FBXW10B: variants seen among roughly 807,000 people sequenced by gnomAD.
FBXW10B encodes F-box and WD repeat domain containing protein 10B.
the FBXW10B span, among the ~76,000 whole-genome samples, chr17:15,584,960 T>C: frequency 3.0e-5 from 3 of 100,462 alleles, no homozygotes; most frequent in South Asian, 1.1e-3. Context: ...GTAAACAACC[T>C]TCTTCTTCTT....
chr17:15,595,944 T>A, the FBXW10B span, among the ~76,000 whole-genome samples: 1 of 149,022 alleles, frequency 6.7e-6, no homozygotes, highest in Non-Finnish European at 1.5e-5. Flanking sequence ...AGACGCATGA[T>A]CTCAGCTCAC....
At chr17:15,600,109 G>A in the FBXW10B span, among the ~76,000 whole-genome samples, 9 of 151,764 alleles carry the variant, frequency 5.9e-5, no homozygotes, top group East Asian at 5.9e-4. Flanking sequence ...CCAGCTACTC[G>A]GGAGGCTGAG....
chr17:15,594,918 A>G, the FBXW10B span: 2 of 1,612,546 alleles, frequency 1.2e-6, no homozygotes, highest in African/African-American at 1.3e-5. Flanking sequence ...ACTGTCTTCA[A>G]CTCAGACTGT....
chr17:15,571,806 C>T, the FBXW10B span: 1 of 152,156 alleles, frequency 6.6e-6, no homozygotes, highest in African/African-American at 2.4e-5. Flanking sequence ...AGGAACAAAC[C>T]ACTGGTACGT....
At chr17:15,589,819 G>A in the FBXW10B span, among the ~76,000 whole-genome samples, 2 of 151,908 alleles carry the variant, frequency 1.3e-5, no homozygotes, top group African/African-American at 4.8e-5. Context: ...CCGTTACCCT[G>A]TAAGCCACAT....
At chr17:15,576,312 TG>T in the FBXW10B span, among the ~76,000 whole-genome samples, 1 of 152,250 alleles carries the variant, frequency 6.6e-6, no homozygotes. Flanking sequence ...AAGAGTGTAT[TG>T]ATCACCTGTA....
At chr17:15,599,339 A>C in the FBXW10B span, among the ~76,000 whole-genome samples, 73 of 134,790 alleles carry the variant, frequency 5.4e-4, no homozygotes, top group African/African-American at 2.0e-3. Context: ...TGCCACTGGC[A>C]TCTAGTGCAT....
the FBXW10B span, chr17:15,619,199 G>A: frequency 6.2e-7 from 1 of 1,613,856 alleles, no homozygotes; most frequent in East Asian, 2.2e-5. Context: ...TTGGTTCAAG[G>A]AGGACTTCAC....
At chr17:15,605,293 T>C in the FBXW10B span, 4 of 1,595,768 alleles carry the variant, frequency 2.5e-6, no homozygotes, top group Non-Finnish European at 3.4e-6. Context: ...GCCCGGACAC[T>C]CCCAGCATGG....
the FBXW10B span, chr17:15,615,473 C>T: frequency 5.4e-3 from 4,637 of 857,864 alleles, 186 homozygotes; most frequent in African/African-American, 0.086. Context: ...CCACTGCGCC[C>T]GGCTAATTTT....
chr17:15,592,674 GATAGC>G, the FBXW10B span, among the ~76,000 whole-genome samples: 15 of 151,664 alleles, frequency 9.9e-5, no homozygotes, highest in Non-Finnish European at 1.2e-4. Flanking sequence ...AGGCATCAAA[GATAGC>G]TGATAGAGCT....
chr17:15,585,947 T>C, the FBXW10B span, among the ~76,000 whole-genome samples: 2 of 150,742 alleles, frequency 1.3e-5, no homozygotes, highest in Non-Finnish European at 3.0e-5. Flanking sequence ...TTTCTTCTTT[T>C]TTTTTTTTTT....
chr17:15,597,920 C>A, the FBXW10B span, among the ~76,000 whole-genome samples: 1 of 152,318 alleles, frequency 6.6e-6, no homozygotes, highest in East Asian at 1.9e-4. Flanking sequence ...AGTTGGGTTG[C>A]CTGCTCAAGT....
the FBXW10B span, among the ~76,000 whole-genome samples, chr17:15,599,765 G>A: frequency 1.3e-5 from 2 of 151,988 alleles, no homozygotes; most frequent in African/African-American, 2.4e-5. Context: ...CAGCTAGGCT[G>A]CTTTTGAGAC....
the FBXW10B span, among the ~76,000 whole-genome samples, chr17:15,591,094 T>C: frequency 7.4e-6 from 1 of 135,990 alleles, no homozygotes; most frequent in African/African-American, 3.4e-5. Context: ...TGCTGAGGGC[T>C]AGAGGCCCTT....
At chr17:15,599,751 G>A in the FBXW10B span, among the ~76,000 whole-genome samples, 3 of 151,910 alleles carry the variant, frequency 2.0e-5, no homozygotes, top group South Asian at 2.1e-4. Context: ...TGATGCTTCC[G>A]CTTCAGCTAG....
chr17:15,565,644 T>A, the FBXW10B span: 5 of 1,614,288 alleles, frequency 3.1e-6, no homozygotes, highest in Non-Finnish European at 4.2e-6. Flanking sequence ...TGCTGGCTTT[T>A]CCTGGATCAA....
the FBXW10B span, among the ~76,000 whole-genome samples, chr17:15,568,271 G>T: frequency 6.6e-6 from 1 of 152,102 alleles, no homozygotes; most frequent in Non-Finnish European, 1.5e-5. Flanking sequence ...GCCAGGCATG[G>T]TGCTCGACCC....
chr17:15,602,231 T>C, the FBXW10B span, among the ~76,000 whole-genome samples: 11 of 152,196 alleles, frequency 7.2e-5, no homozygotes, highest in South Asian at 2.1e-3. Flanking sequence ...GGATTTTGAT[T>C]AAAAACAGAA....
Sources: allele counts gnomAD v4.1 joint callset (sites outside exome capture counted in the v4.1 genomes callset), GRCh38; gene constraint gnomAD v4.1.1; transcripts MANE v1.5; gene names NCBI Gene and HGNC (gene_info 2026-07-23, HGNC 2026-07-21).